Variants in TBC1D9 observed in about 807,000 individuals in gnomAD.
The protein encoded by TBC1D9 is TBC1 domain family member 9A.
In TBC1D9, 63 loss-of-function variants were observed where a neutral mutation model predicts 132.0. The observed-to-expected ratio is 0.48, with a 90% CI of 0.39 to 0.59. The LOEUF (loss-of-function observed/expected upper bound fraction) is 0.59, where lower values mean the gene tolerates loss of function less well. Among genes scored for constraint, TBC1D9 ranks in the 20% least tolerant of loss-of-function variants. The probability of loss-of-function intolerance (pLI) is 0.00; values close to 1 mark genes in which losing one functional copy is unlikely to be tolerated. For missense variants in TBC1D9, 1,261 were observed against 1,592.7 expected, an observed-to-expected ratio of 0.79 and a Z score of 3.54; for synonymous variants, 610 against 609.9, an observed-to-expected ratio of 1.00 and a Z score of 0.00.
intron 2 of TBC1D9, among the ~76,000 whole-genome samples, chr4:140,695,791 A>G (rs1047266953): frequency 6.6e-6 from 1 of 152,180 alleles, no homozygotes; most frequent in African/African-American, 2.4e-5. Flanking sequence ...ATCCAAAACA[A>G]GAGCTGCTGG....
intron 1 of TBC1D9, among the ~76,000 whole-genome samples, chr4:140,753,604 A>T (rs1277139605): frequency 6.6e-6 from 1 of 152,184 alleles, no homozygotes; most frequent in Non-Finnish European, 1.5e-5. Flanking sequence ...GGTTTGCCTT[A>T]CACCAGTTCA....
At chr4:140,656,200 C>T (rs1737269971) in intron 13 of TBC1D9, among the ~76,000 whole-genome samples, 1 of 152,078 alleles carries the variant, frequency 6.6e-6, no homozygotes. Flanking sequence ...GCAGGTAAGC[C>T]TATAGTCTCA....
chr4:140,709,721 G>A (rs1207711998), intron 1 of TBC1D9, among the ~76,000 whole-genome samples: 1 of 152,132 alleles, frequency 6.6e-6, no homozygotes, highest in African/African-American at 2.4e-5. Flanking sequence ...GACCAGAGTT[G>A]GGGGTGGGGT....
chr4:140,644,228 G>T, intron 13 of TBC1D9: 1 of 331,570 alleles, frequency 3.0e-6, no homozygotes. Context: ...AAGTGCTGGG[G>T]GCTTCCTTAT....
intron 6 of TBC1D9, among the ~76,000 whole-genome samples, chr4:140,674,523 A>T (rs919137687): frequency 3.9e-5 from 6 of 152,072 alleles, no homozygotes; most frequent in Non-Finnish European, 8.8e-5. Context: ...AGGATTTAAA[A>T]TTTAATTGTG....
chr4:140,698,837 C>G (rs1182758110), intron 2 of TBC1D9, among the ~76,000 whole-genome samples: 1 of 152,170 alleles, frequency 6.6e-6, no homozygotes, highest in African/African-American at 2.4e-5. Context: ...TGCCAGCAGC[C>G]TGAAATCACA....
In TBC1D9 at chr4:140,633,941, T is replaced by G; in HGVS notation, c.2746+7A>C. 1 of 1,613,778 alleles carries G rather than the reference T, an allele frequency of 6.2e-7. No individual in the cohort carries two copies. The highest frequency in any genetic ancestry group is 1.1e-5 in the South Asian group (1 of 91,056). ...TCCCAACTCATGCAATAGTACCACG[T>G]CCTTACTTAGCCCAGAGACAAACTC... On this transcript the variant is annotated splice_region_variant and intron_variant, in intron 16 of 20. Coordinates refer to ENST00000442267, the MANE Select transcript of TBC1D9 (RefSeq NM_015130.3).
chr4:140,642,175 T>C, intron 13 of TBC1D9: 1 of 767,994 alleles, frequency 1.3e-6, no homozygotes, highest in South Asian at 1.4e-5. Context: ...AGGGAAGGCA[T>C]CAGTTTGGAG....
intron 13 of TBC1D9, among the ~76,000 whole-genome samples, chr4:140,646,513 AT>A: frequency 6.6e-6 from 1 of 152,256 alleles, no homozygotes; most frequent in East Asian, 1.9e-4. Context: ...TTAATCCTGT[AT>A]TTTTTTCTGA....
intron 5 of TBC1D9, among the ~76,000 whole-genome samples, chr4:140,677,658 T>C (rs905274729): frequency 6.6e-6 from 1 of 152,210 alleles, no homozygotes; most frequent in Non-Finnish European, 1.5e-5. Flanking sequence ...TTGCTCATCA[T>C]GTCAGTTGTT....
At chr4:140,661,452 G>A (rs1737359778) in intron 10 of TBC1D9, among the ~76,000 whole-genome samples, 1 of 152,184 alleles carries the variant, frequency 6.6e-6, no homozygotes, top group African/African-American at 2.4e-5. Context: ...GACAGGCCTG[G>A]TGCTGAGGAT....
rs753929491 is a variant in TBC1D9 at position 140,668,909 on chromosome 4, G to C, written c.1588+8C>G. 7 of 1,613,196 alleles carry C rather than the reference G, an allele frequency of 4.3e-6. No individual in the cohort carries two copies. The African/African-American group carries it at 9.3e-5, about 22-fold the overall frequency. Reference sequence around the variant, plus strand: ...TTGACGCCAGCATTCCCAGCCCAGCGGCCGTACCTGACAGCAGCAGCCAGA... The same window carrying C: ...TTGACGCCAGCATTCCCAGCCCAGCCGCCGTACCTGACAGCAGCAGCCAGA... On this transcript the variant is annotated splice_region_variant and intron_variant, in intron 9 of 20. Coordinates refer to ENST00000442267, the MANE Select transcript of TBC1D9 (RefSeq NM_015130.3).
intron 1 of TBC1D9, among the ~76,000 whole-genome samples, chr4:140,737,655 G>T (rs1016946724): frequency 6.6e-6 from 1 of 152,150 alleles, no homozygotes; most frequent in African/African-American, 2.4e-5. Flanking sequence ...ACAATACAAA[G>T]TGAACTGAAC....
intron 13 of TBC1D9, among the ~76,000 whole-genome samples, chr4:140,652,167 G>A (rs1342927323): frequency 2.0e-5 from 3 of 151,988 alleles, no homozygotes; most frequent in South Asian, 2.1e-4. Flanking sequence ...CATGAACCCC[G>A]GAGGTGGAGG....
chr4:140,631,713 C>T (rs1736797450), intron 16 of TBC1D9, among the ~76,000 whole-genome samples: 1 of 151,856 alleles, frequency 6.6e-6, no homozygotes, highest in South Asian at 2.1e-4. Context: ...TCTCATATCT[C>T]AGCCTCCTGA....
chr4:140,709,248 T>TCTCACATA, intron 1 of TBC1D9, among the ~76,000 whole-genome samples: 1 of 104,148 alleles, frequency 9.6e-6, no homozygotes, highest in Non-Finnish European at 1.8e-5. Flanking sequence ...TCTCTCTCTC[T>TCTCACATA]CACACACACA....
At chr4:140,631,314 C>G (rs1364013228) in intron 16 of TBC1D9, among the ~76,000 whole-genome samples, 1 of 152,030 alleles carries the variant, frequency 6.6e-6, no homozygotes, top group Non-Finnish European at 1.5e-5. Flanking sequence ...CCTCTGCCTC[C>G]CGGGTTCAAG....
chr4:140,676,793 C>A, intron 6 of TBC1D9, 101 bp downstream of exon 6: 1 of 1,465,116 alleles, frequency 6.8e-7, no homozygotes. Context: ...GAACATTCAC[C>A]TGTGTTCAAA....
intron 15 of TBC1D9, among the ~76,000 whole-genome samples, chr4:140,637,077 C>T (rs1055694412): frequency 6.6e-6 from 1 of 152,162 alleles, no homozygotes; most frequent in Non-Finnish European, 1.5e-5. Context: ...TTCAGCTGGG[C>T]GTAGTGGCTC....
Sources: allele counts gnomAD v4.1 joint callset (sites outside exome capture counted in the v4.1 genomes callset), GRCh38; gene constraint gnomAD v4.1.1; transcripts MANE v1.5; gene names NCBI Gene and HGNC (gene_info 2026-07-23, HGNC 2026-07-21).